Variants in NDUFAF2 observed in about 807,000 individuals in gnomAD.
NDUFAF2 encodes the protein NADH dehydrogenase [ubiquinone] 1 alpha subcomplex assembly factor 2.
A neutral mutation model predicts 22.8 loss-of-function variants in NDUFAF2; 13 were observed. The ratio of observed to expected loss-of-function variants is 0.57; its 90% CI spans 0.37 to 0.91. The LOEUF is 0.91. Among genes scored for constraint, NDUFAF2 ranks in the 40% least tolerant of loss-of-function variants. The pLI, the probability that NDUFAF2 is intolerant of heterozygous loss-of-function variation, is 0.01. For synonymous variants in NDUFAF2, 53 were observed against 64.2 expected, an observed-to-expected ratio of 0.83 and a Z score of 0.84; for missense variants, 162 against 195.2, an observed-to-expected ratio of 0.83 and a Z score of 1.01.
At chr5:61,077,740 G>C (rs1752387014) in intron 2 of NDUFAF2, among the ~76,000 whole-genome samples, 1 of 152,150 alleles carries the variant, frequency 6.6e-6, no homozygotes, top group South Asian at 2.1e-4. Flanking sequence ...GTAAACAGGG[G>C]GAAGAGTTGA....
At chr5:61,088,015 G>T (rs1387765314) in intron 2 of NDUFAF2, among the ~76,000 whole-genome samples, 1 of 151,994 alleles carries the variant, frequency 6.6e-6, no homozygotes, top group Non-Finnish European at 1.5e-5. Flanking sequence ...CCCAAGGCTG[G>T]GTTCTCATCT....
rs201689221 is a variant in NDUFAF2 at position 61,136,575 on chromosome 5, C to T, written c.259-16129C>T. ...TTGAATTTCCTTCCCCTTGTGGCTT[C>T]TTTACTTAATTTTGTGTTCCCTTCA... is the stretch of plus-strand genomic sequence containing the variant. On this transcript the variant is annotated intron_variant, in intron 3 of 3. Transcript: ENST00000296597. Among the ~76,000 whole-genome samples the T allele has an allele frequency of 1.3e-3, 195 of 152,244 alleles. 1 individual carries two copies. Among genetic ancestry groups the T allele is most frequent in the Non-Finnish European group, 2.1e-3 (145 of 68,018 alleles).
chr5:61,107,665 C>CTAGTATTAT, intron 3 of NDUFAF2, among the ~76,000 whole-genome samples: 1 of 148,836 alleles, frequency 6.7e-6, no homozygotes, highest in East Asian at 2.0e-4. Context: ...ATTATGATTA[C>CTAGTATTAT]TATTATTATT....
At chr5:61,004,867 T>C (rs903148459) in intron 1 of NDUFAF2, among the ~76,000 whole-genome samples, 1 of 152,148 alleles carries the variant, frequency 6.6e-6, no homozygotes, top group Non-Finnish European at 1.5e-5. Context: ...GAATACTAAA[T>C]CCTATATGGC....
At chr5:61,038,849 CTT>C (rs564536525) in intron 1 of NDUFAF2, among the ~76,000 whole-genome samples, 1 of 149,810 alleles carries the variant, frequency 6.7e-6, no homozygotes, top group Non-Finnish European at 1.5e-5. Context: ...GCAGCTATAA[CTT>C]TTTTTTTTCA....
chr5:60,948,169 A>G (rs190170546), intron 1 of NDUFAF2, among the ~76,000 whole-genome samples: 1 of 152,208 alleles, frequency 6.6e-6, no homozygotes, highest in East Asian at 1.9e-4. Context: ...CACTCATCTG[A>G]TTTCTGACAC....
chr5:61,143,239 A>G (rs1010254925), intron 3 of NDUFAF2, among the ~76,000 whole-genome samples: 5 of 152,290 alleles, frequency 3.3e-5, no homozygotes, highest in African/African-American at 7.2e-5. Flanking sequence ...AACATACTTC[A>G]TGCCAAATTT....
At chr5:61,104,302 T>TA (rs1313788094) in intron 3 of NDUFAF2, among the ~76,000 whole-genome samples, 1 of 152,150 alleles carries the variant, frequency 6.6e-6, no homozygotes, top group Non-Finnish European at 1.5e-5. Context: ...TTCTTTTTTT[T>TA]ATACTAACAC....
In NDUFAF2 at chr5:61,055,858, C is replaced by A. The variant is rs187609088; in HGVS notation, c.128-17267C>A. ...CAAGACACACCTTTCCTTATCCATT[C>A]AATTTTCTTTGAGCTTTAGTTTCCT... On this transcript the variant is annotated intron_variant, in intron 1 of 3. Transcript: ENST00000296597. Among the ~76,000 whole-genome samples, 620 of 152,148 alleles carry A rather than the reference C, an allele frequency of 4.1e-3. 3 individuals carry two copies. The highest frequency in any genetic ancestry group is 8.5e-3 in the South Asian group (41 of 4,814).
intron 1 of NDUFAF2, among the ~76,000 whole-genome samples, chr5:60,983,886 C>T (rs1164394091): frequency 6.6e-6 from 1 of 152,024 alleles, no homozygotes; most frequent in Non-Finnish European, 1.5e-5. Context: ...CAATGTGGCT[C>T]TTTTTTGGTT....
At chr5:61,056,250 C>T (rs1444309264) in intron 1 of NDUFAF2, among the ~76,000 whole-genome samples, 6 of 152,102 alleles carry the variant, frequency 3.9e-5, no homozygotes, top group African/African-American at 9.7e-5. Flanking sequence ...TTTATATGCA[C>T]TCTGTTTTTG....
intron 1 of NDUFAF2, among the ~76,000 whole-genome samples, chr5:60,985,108 A>T (rs911310790): frequency 5.9e-5 from 9 of 152,074 alleles, no homozygotes; most frequent in Non-Finnish European, 1.3e-4. Flanking sequence ...CAGCTTCTTC[A>T]TCGTTTAGTC....
At chr5:60,971,677 T>C (rs1750833387) in intron 1 of NDUFAF2, among the ~76,000 whole-genome samples, 1 of 146,894 alleles carries the variant, frequency 6.8e-6, no homozygotes, top group Non-Finnish European at 1.5e-5. Flanking sequence ...GTGTTCTCAT[T>C]GTTCAGTTCC....
intron 1 of NDUFAF2, among the ~76,000 whole-genome samples, chr5:60,962,248 A>AT (rs1382697419): frequency 6.6e-6 from 1 of 151,814 alleles, no homozygotes; most frequent in Non-Finnish European, 1.5e-5. Context: ...ACAATATGAC[A>AT]TTCTTCTTTT....
At chr5:60,974,526 A>G (rs1750876346) in intron 1 of NDUFAF2, among the ~76,000 whole-genome samples, 1 of 151,884 alleles carries the variant, frequency 6.6e-6, no homozygotes, top group Non-Finnish European at 1.5e-5. Flanking sequence ...CCTCTAGAGG[A>G]CCCTGACAAA....
At chr5:61,057,849 C>G (rs1474731869) in intron 1 of NDUFAF2, among the ~76,000 whole-genome samples, 1 of 152,148 alleles carries the variant, frequency 6.6e-6, no homozygotes, top group African/African-American at 2.4e-5. Flanking sequence ...TGATCTCCTT[C>G]TATATCAGAA....
chr5:61,029,129 A>G (rs962766113), intron 1 of NDUFAF2, among the ~76,000 whole-genome samples: 3 of 152,100 alleles, frequency 2.0e-5, no homozygotes, highest in Admixed American at 6.6e-5. Context: ...GCCTAGCACA[A>G]GGTAGATGGT....
At chr5:60,995,374 T>C (rs1241564085) in intron 1 of NDUFAF2, among the ~76,000 whole-genome samples, 1 of 152,214 alleles carries the variant, frequency 6.6e-6, no homozygotes, top group Non-Finnish European at 1.5e-5. Flanking sequence ...TGTTCTAAGC[T>C]GTATCTGCTT....
At chr5:60,948,551 C>CTTTTTTTTT (rs55712639) in intron 1 of NDUFAF2, among the ~76,000 whole-genome samples, 1 of 145,046 alleles carries the variant, frequency 6.9e-6, no homozygotes. Context: ...ACATATTCTG[C>CTTTTTTTTT]TTTTTTTTTT....
Sources: gnomAD v4.1 joint callset for allele counts (sites outside exome capture counted in the v4.1 genomes callset) on GRCh38, gnomAD v4.1.1 for gene constraint, MANE v1.5 for transcripts, NCBI Gene and HGNC (gene_info 2026-07-23, HGNC 2026-07-21) for gene names.